The following USP32 variants were observed in gnomAD, a reference collection of about 807,000 sequenced individuals.
USP32 encodes the protein ubiquitin carboxyl-terminal hydrolase 32.
In USP32, 59 loss-of-function variants were observed where a neutral mutation model predicts 204.8. That is an observed-to-expected ratio of 0.29 (90% CI 0.23 to 0.36). The LOEUF is 0.36. USP32 is among the 10% of genes least tolerant of loss of function. The probability of loss-of-function intolerance (pLI) is 1.00; values close to 1 mark genes in which losing one functional copy is unlikely to be tolerated. For missense variants in USP32, 1,160 were observed against 1,946.4 expected (o/e 0.60, Z 7.60); for synonymous variants, 517 against 678.4 (o/e 0.76, Z 3.70).
At chr17:60,412,551 AT>A (rs1437569385) in intron 1 of USP32, among the ~76,000 whole-genome samples, 45 of 151,018 alleles carry the variant, frequency 3.0e-4, no homozygotes, top group African/African-American at 8.3e-4. Context: ...AAAAAAAAAA[AT>A]AGTGATTTCC....
At chr17:60,236,536 T>C (rs2145638155) in intron 11 of USP32, among the ~76,000 whole-genome samples, 1 of 152,314 alleles carries the variant, frequency 6.6e-6, no homozygotes, top group African/African-American at 2.4e-5. Context: ...ATTACATTTT[T>C]TGCAGAATGT....
chr17:60,301,450 T>C (rs972441752), intron 3 of USP32, 149 bp downstream of exon 3: 7 of 520,686 alleles, frequency 1.3e-5, no homozygotes, highest in African/African-American at 1.2e-4. Context: ...TAATGACTAA[T>C]TATGTTGCAC....
chr17:60,205,699 T>C (rs1033631988), intron 25 of USP32, 41 bp from the exon 26 acceptor site: 2 of 1,601,644 alleles, frequency 1.2e-6, no homozygotes, highest in African/African-American at 2.7e-5. Context: ...AAGCTTGTGG[T>C]ATTTTCATCT....
At chr17:60,342,521 C>G (rs1315136847) in intron 2 of USP32, among the ~76,000 whole-genome samples, 1 of 152,210 alleles carries the variant, frequency 6.6e-6, no homozygotes, top group African/African-American at 2.4e-5. Flanking sequence ...TTCAGCTATG[C>G]CCTGCCCACA....
chr17:60,329,649 C>T (rs1333153333), intron 2 of USP32, among the ~76,000 whole-genome samples: 1 of 152,062 alleles, frequency 6.6e-6, no homozygotes, highest in Non-Finnish European at 1.5e-5. Flanking sequence ...TATTACTTTT[C>T]TCCCTTCCTC....
At chr17:60,309,975 TG>T (rs1468249105) in intron 2 of USP32, among the ~76,000 whole-genome samples, 1 of 150,294 alleles carries the variant, frequency 6.7e-6, no homozygotes, top group African/African-American at 2.5e-5. Flanking sequence ...ACCTGGGAGG[TG>T]GAGGTTGCAG....
intron 29 of USP32, 33 bp from the exon 30 acceptor site, chr17:60,185,684 C>T (rs765602324): frequency 2.6e-5 from 41 of 1,585,206 alleles, no homozygotes; most frequent in Non-Finnish European, 3.3e-5. Flanking sequence ...GAAAGGGGTG[C>T]GTGGGAAGGC....
intron 2 of USP32, among the ~76,000 whole-genome samples, chr17:60,312,303 C>T (rs146719060): frequency 6.6e-6 from 1 of 152,288 alleles, no homozygotes; most frequent in East Asian, 1.9e-4. Flanking sequence ...CCAGAGTAAA[C>T]TCTAGTACAC....
intron 1 of USP32, among the ~76,000 whole-genome samples, chr17:60,416,829 C>T (rs1226155874): frequency 6.6e-6 from 1 of 152,034 alleles, no homozygotes; most frequent in Non-Finnish European, 1.5e-5. Context: ...GTTATTTCCT[C>T]CTTCTGAATT....
chr17:60,289,946 G>GTCACTTAAA (rs2087229177), intron 4 of USP32, among the ~76,000 whole-genome samples: 1 of 151,936 alleles, frequency 6.6e-6, no homozygotes, highest in Non-Finnish European at 1.5e-5. Flanking sequence ...TTTTAGCCCG[G>GTCACTTAAA]TACTTTCAGA....
chr17:60,211,167 A>C, intron 20 of USP32, 49 bp from the exon 21 acceptor site: 1 of 1,596,754 alleles, frequency 6.3e-7, no homozygotes, highest in South Asian at 1.1e-5. Flanking sequence ...CATAAATCAC[A>C]ATCATGTGGG....
At chr17:60,331,244 T>C (rs1330337293) in intron 2 of USP32, among the ~76,000 whole-genome samples, 2 of 152,208 alleles carry the variant, frequency 1.3e-5, no homozygotes, top group African/African-American at 2.4e-5. Flanking sequence ...TTACCAACTT[T>C]TGTGAAACAA....
intron 17 of USP32, 73 bp downstream of exon 17, chr17:60,214,547 A>C: frequency 6.7e-7 from 1 of 1,488,860 alleles, no homozygotes; most frequent in East Asian, 2.3e-5. Flanking sequence ...GAAGTTTAGC[A>C]AATTTCTTTT....
intron 5 of USP32, among the ~76,000 whole-genome samples, chr17:60,282,749 G>A (rs928981902): frequency 9.9e-5 from 15 of 152,180 alleles, no homozygotes; most frequent in Admixed American, 5.2e-4. Context: ...CCCTTGGTAT[G>A]GCTTTAGCCT....
At chr17:60,314,052 G>T (rs990772100) in intron 2 of USP32, among the ~76,000 whole-genome samples, 1 of 140,272 alleles carries the variant, frequency 7.1e-6, no homozygotes, top group Non-Finnish European at 1.5e-5. Context: ...CATGGAAATA[G>T]AAACTATATT....
chr17:60,310,283 C>A (rs1055514592), intron 2 of USP32, among the ~76,000 whole-genome samples: 2 of 152,082 alleles, frequency 1.3e-5, no homozygotes, highest in African/African-American at 4.8e-5. Context: ...CAAAAAGATA[C>A]CTGTACTAAT....
chr17:60,212,155 G>T (rs951243579), intron 18 of USP32, 57 bp from the exon 19 acceptor site: 70 of 1,402,706 alleles, frequency 5.0e-5, no homozygotes, highest in South Asian at 2.8e-4. Context: ...ATACCCATTC[G>T]ATTGCTTTTT....
chr17:60,228,019 T>C (rs545893703), intron 12 of USP32, among the ~76,000 whole-genome samples: 6 of 152,048 alleles, frequency 3.9e-5, no homozygotes, highest in African/African-American at 1.4e-4. Context: ...TTCACCAAAG[T>C]AGTCAAAATT....
At chr17:60,190,205 G>A (rs1000342714) in intron 29 of USP32, among the ~76,000 whole-genome samples, 2 of 152,134 alleles carry the variant, frequency 1.3e-5, no homozygotes, top group Non-Finnish European at 2.9e-5. Flanking sequence ...GATCTTCTCT[G>A]CCATGTTATG....
Sources: allele counts gnomAD v4.1 joint callset (sites outside exome capture counted in the v4.1 genomes callset), GRCh38; gene constraint gnomAD v4.1.1; transcripts MANE v1.5; gene names NCBI Gene and HGNC (gene_info 2026-07-23, HGNC 2026-07-21).